PODXL2: variants seen among roughly 807,000 people sequenced by gnomAD.
The protein encoded by PODXL2 is podocalyxin like 2.
A neutral mutation model predicts 53.4 loss-of-function variants in PODXL2; 17 were observed. That is an observed-to-expected ratio of 0.32 (90% CI 0.22 to 0.48). The LOEUF (loss-of-function observed/expected upper bound fraction) is 0.48, where lower values mean the gene tolerates loss of function less well. Among genes scored for constraint, PODXL2 ranks in the 20% least tolerant of loss-of-function variants. The pLI, the probability that PODXL2 is intolerant of heterozygous loss-of-function variation, is 0.99. For synonymous variants in PODXL2, 311 were observed against 306.7 expected (o/e 1.01, Z -0.15); for missense variants, 673 against 760.0 (o/e 0.89, Z 1.35).
intron 2 of PODXL2, among the ~76,000 whole-genome samples, chr3:127,652,424 C>A (rs1026012204): frequency 1.3e-5 from 2 of 152,144 alleles, no homozygotes; most frequent in Non-Finnish European, 2.9e-5. Flanking sequence ...TAAGTGTTAT[C>A]CTGCAATCAA....
rs1479422810 is a variant in PODXL2, at chr3:127,671,103, G to A, written c.1426-331G>A. On this transcript the variant is annotated intron_variant, in intron 6 of 7. Transcript: ENST00000342480. ...AGGATAGGTGTGGGCACTCTCTCTA[G>A]TTGGATGGTGTCCAGCAGCATGGGT... Among the ~76,000 whole-genome samples the A allele has an allele frequency of 2.0e-5, 3 of 152,196 alleles. No individual in the cohort carries two copies. The East Asian group carries it at 5.8e-4, about 29-fold the overall frequency.
At chr3:127,671,643 C>G in intron 7 of PODXL2, 30 bp downstream of exon 7, 1 of 1,601,898 alleles carries the variant, frequency 6.2e-7, no homozygotes, top group Non-Finnish European at 8.5e-7. Flanking sequence ...GGGCTGGGGG[C>G]CAGTTGAGAG....
At position 127,666,425 on chromosome 3, in the gene PODXL2, A is replaced by G. The variant is rs1431010560; in HGVS notation, c.1207-2016A>G. Reference sequence around the variant, plus strand: ...AAATGGCAGAAGCAAGATTTGAACCAATGTATTTATTTATTTTTGTCACCC... The same window carrying G: ...AAATGGCAGAAGCAAGATTTGAACCGATGTATTTATTTATTTTTGTCACCC... On this transcript the variant is annotated intron_variant, in intron 4 of 7. Coordinates refer to ENST00000342480, the MANE Select transcript of PODXL2 (RefSeq NM_015720.4). 1.5e-4 allele frequency among the ~76,000 whole-genome samples: 23 copies of G among 150,962 alleles called. 1 individual carries two copies. Among genetic ancestry groups the G allele is most frequent in the Admixed American group, 1.5e-3 (23 of 15,152 alleles).
chr3:127,660,664 C>T lies in PODXL2; in HGVS notation c.636C>T (p.Ser212=), dbSNP rs2074760068. ...GTGACTTTTCTCTCACCAGCAGCAG[C>T]CAGACCCCAGGGGCCACCAAAAGCA... ...QVRDFSLTSS[S]QTPGATKSRH... Residue 212 remains serine, a synonymous_variant, in exon 3 of 8, where the codon AGC becomes AGT. Coordinates refer to ENST00000342480, the MANE Select transcript of PODXL2 (RefSeq NM_015720.4). The T allele has an allele frequency of 1.9e-6, 3 of 1,614,086 alleles. No homozygotes were observed. The highest frequency in any genetic ancestry group is 2.5e-6 in the Non-Finnish European group (3 of 1,180,046).
intron 1 of PODXL2, among the ~76,000 whole-genome samples, chr3:127,630,468 C>G (rs1285445518): frequency 6.6e-6 from 1 of 152,118 alleles, no homozygotes; most frequent in African/African-American, 2.4e-5. Context: ...AGGACATTTC[C>G]CACGCAGCTG....
At chr3:127,642,068 G>C (rs775740226) in intron 2 of PODXL2, among the ~76,000 whole-genome samples, 48 of 151,852 alleles carry the variant, frequency 3.2e-4, no homozygotes, top group Non-Finnish European at 5.4e-4. Flanking sequence ...GAGGTGGGCA[G>C]ATCATGAGGT....
chr3:127,640,859 G>A lies in PODXL2; in HGVS notation c.349+1336G>A, dbSNP rs533226673. Among the ~76,000 whole-genome samples the A allele has an allele frequency of 2.6e-5, 4 of 152,020 alleles. No homozygotes were observed. In the South Asian group the frequency reaches 8.3e-4, roughly 31 times the overall value. ...TGTTTTCACTCAAAATATTTCATAA[G>A]TATATTTCCGCATTGTTAAATATCC... is the stretch of plus-strand genomic sequence containing the variant. On this transcript the variant is annotated intron_variant, in intron 2 of 7. Transcript: ENST00000342480.
chr3:127,652,286 G>C lies in PODXL2; in HGVS notation c.350-8092G>C, dbSNP rs539408131. Among the ~76,000 whole-genome samples, 9 of 152,298 alleles carry C rather than the reference G, an allele frequency of 5.9e-5. No homozygotes were observed. The East Asian group carries it at 1.7e-3, about 29-fold the overall frequency. ...TCTACCTGTAAAATCCCTGAGTCTG[G>C]GATTTGGAGACCCAACTGTTCTGAG... On this transcript the variant is annotated intron_variant, in intron 2 of 7. Coordinates refer to ENST00000342480, the MANE Select transcript of PODXL2 (RefSeq NM_015720.4).
At chr3:127,671,634 G>A in intron 7 of PODXL2, 21 bp downstream of exon 7, 1 of 1,608,356 alleles carries the variant, frequency 6.2e-7, no homozygotes, top group African/African-American at 1.3e-5. Flanking sequence ...GGACAGGTGG[G>A]GCTGGGGGCC....
chr3:127,646,632 C>T (rs764551224), intron 2 of PODXL2, among the ~76,000 whole-genome samples: 3 of 152,156 alleles, frequency 2.0e-5, no homozygotes, highest in Non-Finnish European at 4.4e-5. Context: ...GTGATCTGCC[C>T]GTCTCGGCCG....
At position 127,672,433 on chromosome 3, in the gene PODXL2, C is replaced by A. The variant is rs1468931157; in HGVS notation, c.1771C>A (p.Arg591=). Residue 591 remains arginine (R), a synonymous_variant, in exon 8 of 8, where the codon CGG becomes AGG. Coordinates refer to ENST00000342480, the MANE Select transcript of PODXL2 (RefSeq NM_015720.4). ...GSWGALMGGK[R]DPEDSDVFEE... ...CTGGGGGGCGCTCATGGGGGGCAAG[C>A]GGGACCCCGAGGACTCGGACGTGTT... 6.5e-7 allele frequency: 1 copy of A among 1,539,646 alleles called. No individual in the cohort carries two copies. Among genetic ancestry groups the A allele is most frequent in the Non-Finnish European group, 8.7e-7 (1 of 1,144,814 alleles).
At chr3:127,646,864 A>C (rs1013730129) in intron 2 of PODXL2, among the ~76,000 whole-genome samples, 2 of 152,176 alleles carry the variant, frequency 1.3e-5, no homozygotes, top group African/African-American at 2.4e-5. Context: ...ATCCCTGAGC[A>C]CTGATGCCCT....
chr3:127,653,958 C>G (rs913838489), intron 2 of PODXL2, among the ~76,000 whole-genome samples: 3 of 152,190 alleles, frequency 2.0e-5, no homozygotes, highest in Non-Finnish European at 4.4e-5. Context: ...CTCCTAAAAA[C>G]CACAGCAGGA....
chr3:127,672,347 CGGAGATGCA>C lies in PODXL2; in HGVS notation c.1691_1699del (p.Met564_Glu566del), dbSNP rs1225177737. ...CTGGACGTGGCCAGCGACAGCCAGT[CGGAGATGCA>C]GGAGAAGCACCCCAGCCTGAACGGC... On this transcript the variant is annotated inframe_deletion, in exon 8 of 8. Coordinates refer to ENST00000342480, the MANE Select transcript of PODXL2 (RefSeq NM_015720.4). 2 of 1,550,154 alleles carry C rather than the reference CGGAGATGCA, an allele frequency of 1.3e-6. No homozygotes were observed. Among genetic ancestry groups the C allele is most frequent in the Non-Finnish European group, 1.7e-6 (2 of 1,147,990 alleles).
intron 4 of PODXL2, among the ~76,000 whole-genome samples, chr3:127,663,493 A>T (rs1407500423): frequency 2.0e-5 from 3 of 152,234 alleles, no homozygotes; most frequent in African/African-American, 7.2e-5. Context: ...CTGAAGGGAC[A>T]TGCATGCGTT....
Position 127,653,336 on chromosome 3 carries a change from G to A in PODXL2, c.350-7042G>A, listed in dbSNP as rs186167556. 1.4e-3 allele frequency among the ~76,000 whole-genome samples: 206 copies of A among 152,250 alleles called. 2 individuals carry two copies. The highest frequency in any genetic ancestry group is 4.8e-3 in the African/African-American group (199 of 41,546). On this transcript the variant is annotated intron_variant, in intron 2 of 7. Transcript: ENST00000342480. ...CCCTCTTGACAGCTCAAGCATGTTC[G>A]CTGACCTGTAGTGAAAGTCAGTGTC...
rs1160086311 is a variant in PODXL2 at position 127,629,359 on chromosome 3, G to C, written c.70+70G>C. ...TGGGCGCGGTGCTGGACAGCTCCCCGGGCCGCCAACAAAGGGGCCAGAGTG... is the reference window on the plus strand; with the variant it reads ...TGGGCGCGGTGCTGGACAGCTCCCCCGGCCGCCAACAAAGGGGCCAGAGTG... On this transcript the variant is annotated intron_variant, in intron 1 of 7. Transcript: ENST00000342480. The surrounding 1 kb of genome is among the most constrained non-coding windows in gnomAD (Gnocchi z 6.4). 8.0e-6 allele frequency: 8 copies of C among 996,318 alleles called. No individual in the cohort carries two copies. The highest frequency in any genetic ancestry group is 6.1e-5 in the Admixed American group (1 of 16,370). 61.7% of individuals were successfully genotyped at this position (996,318 alleles called of 1,614,324 possible).
At chr3:127,664,786 TA>T (rs2074786465) in intron 4 of PODXL2, among the ~76,000 whole-genome samples, 1 of 152,042 alleles carries the variant, frequency 6.6e-6, no homozygotes, top group African/African-American at 2.4e-5. Context: ...TGCACCAACC[TA>T]AATGGTCTCA....
intron 2 of PODXL2, among the ~76,000 whole-genome samples, chr3:127,653,409 G>A (rs375386039): frequency 1.3e-5 from 2 of 152,226 alleles, no homozygotes; most frequent in Non-Finnish European, 1.5e-5. Flanking sequence ...TACTTTGGGA[G>A]GCCAAGGCAG....
Sources: gnomAD v4.1 joint callset for allele counts (sites outside exome capture counted in the v4.1 genomes callset) on GRCh38, gnomAD v4.1.1 for gene constraint, Gnocchi (gnomAD v3.1) non-coding constraint, MANE v1.5 for transcripts, NCBI Gene and HGNC (gene_info 2026-07-23, HGNC 2026-07-21) for gene names.